Variants in GATA4 observed in about 807,000 individuals in gnomAD.
GATA4 encodes GATA binding protein 4.
In GATA4, 7 loss-of-function variants were observed where a neutral mutation model predicts 37.9. The ratio of observed to expected loss-of-function variants is 0.18; its 90% CI spans 0.11 to 0.35. The LOEUF (loss-of-function observed/expected upper bound fraction) is 0.35, where lower values mean the gene tolerates loss of function less well. GATA4 is among the 10% of genes least tolerant of loss of function. The pLI is 1.00. For missense variants in GATA4, 647 were observed against 653.0 expected, an observed-to-expected ratio of 0.99 and a Z score of 0.10; for synonymous variants, 372 against 292.6, an observed-to-expected ratio of 1.27 and a Z score of -2.77.
chr8:11,688,746 T>A (rs879676436), upstream of GATA4, among the ~76,000 whole-genome samples: 3 of 152,192 alleles, frequency 2.0e-5, no homozygotes, highest in African/African-American at 7.2e-5. Context: ...ATCTTTCTCA[T>A]GAGAATAGTG....
chr8:11,745,963 A>G (rs1468866360), intron 2 of GATA4, among the ~76,000 whole-genome samples: 1 of 152,188 alleles, frequency 6.6e-6, no homozygotes, highest in Non-Finnish European at 1.5e-5. Context: ...CCCCTTCTGA[A>G]TATGTTTAAA....
At chr8:11,699,078 T>C (rs939386099) in intron 1 of GATA4, among the ~76,000 whole-genome samples, 1 of 152,238 alleles carries the variant, frequency 6.6e-6, no homozygotes, top group African/African-American at 2.4e-5. Context: ...CCAACACTTA[T>C]TGAGCACCTA....
At chr8:11,720,193 A>G (rs573281163) in intron 2 of GATA4, among the ~76,000 whole-genome samples, 4 of 151,910 alleles carry the variant, frequency 2.6e-5, no homozygotes, top group Middle Eastern at 3.4e-3. Context: ...AGGTACAGCA[A>G]TGGTGAGAAG....
chr8:11,738,007 C>G (rs1326186373), intron 2 of GATA4, among the ~76,000 whole-genome samples: 4 of 151,852 alleles, frequency 2.6e-5, no homozygotes, highest in Non-Finnish European at 5.9e-5. Context: ...ATGGTGAAAC[C>G]CTGTCTCTGC....
At chr8:11,699,595 C>T (rs1444458726), upstream of GATA4, among the ~76,000 whole-genome samples, 2 of 152,372 alleles carry the variant, frequency 1.3e-5, no homozygotes, top group African/African-American at 2.4e-5. Context: ...AAGAAACATA[C>T]ATGGCGGCGC....
At chr8:11,706,241 C>G (rs1470789220) in intron 1 of GATA4, among the ~76,000 whole-genome samples, 1 of 152,054 alleles carries the variant, frequency 6.6e-6, no homozygotes, top group African/African-American at 2.4e-5. Flanking sequence ...ATTATTATTA[C>G]TAGTGATGTT....
In GATA4 at chr8:11,681,286, A is replaced by T. The variant is rs1003182331; in HGVS notation, c.-274+4223A>T. 2.0e-5 allele frequency: 20 copies of T among 985,258 alleles called. No individual in the cohort carries two copies. The African/African-American group carries it at 3.1e-4, about 15-fold the overall frequency. 61.0% of individuals were successfully genotyped at this position (985,258 alleles called of 1,614,324 possible). A position where few individuals can be genotyped will look rare whatever the true frequency, so the allele number is the denominator to read the frequency against. On this transcript the variant is annotated intron_variant, in intron 1 of 6. Coordinates refer to the GATA4 transcript ENST00000528712. ...TGGATTCCCAGGCCTCCGCACGCTG[A>T]GGTTCCGGGGAAGAGCACTGTCTTC...
chr8:11,726,914 T>C (rs1383469343), intron 2 of GATA4, among the ~76,000 whole-genome samples: 1 of 152,098 alleles, frequency 6.6e-6, no homozygotes, highest in African/African-American at 2.4e-5. Flanking sequence ...TGCAGAGACT[T>C]CCGGAGTTTT....
At chr8:11,705,682 T>G (rs994026872) in intron 1 of GATA4, among the ~76,000 whole-genome samples, 21 of 152,218 alleles carry the variant, frequency 1.4e-4, no homozygotes, top group African/African-American at 5.1e-4. Context: ...CAAGAGCAGC[T>G]AATTCCTTGT....
intron 2 of GATA4, among the ~76,000 whole-genome samples, chr8:11,735,259 A>C (rs1381823634): frequency 6.6e-6 from 1 of 152,258 alleles, no homozygotes; most frequent in East Asian, 1.9e-4. Context: ...TAAATCTTTA[A>C]AATTGCAAAG....
At chr8:11,723,633 C>G (rs971045405) in intron 2 of GATA4, among the ~76,000 whole-genome samples, 1 of 152,198 alleles carries the variant, frequency 6.6e-6, no homozygotes, top group African/African-American at 2.4e-5. Context: ...GCTAGCTCTG[C>G]CAGCTGGGCT....
chr8:11,717,875 G>A (rs1800506669), intron 2 of GATA4, among the ~76,000 whole-genome samples: 1 of 152,204 alleles, frequency 6.6e-6, no homozygotes, highest in South Asian at 2.1e-4. Flanking sequence ...CTAGCCGTTG[G>A]ATTCTGGTGT....
intron 2 of GATA4, among the ~76,000 whole-genome samples, chr8:11,712,508 C>A (rs1264961404): frequency 6.6e-6 from 1 of 151,742 alleles, no homozygotes; most frequent in Non-Finnish European, 1.5e-5. Flanking sequence ...GGAAAAGAAC[C>A]AGCAATTTTT....
intron 2 of GATA4, among the ~76,000 whole-genome samples, chr8:11,715,461 A>G (rs1003431087): frequency 6.6e-6 from 1 of 152,216 alleles, no homozygotes; most frequent in Non-Finnish European, 1.5e-5. Flanking sequence ...AAAATTTCAA[A>G]TCATCGGCTG....
intron 6 of GATA4, among the ~76,000 whole-genome samples, chr8:11,758,068 G>A (rs1802693799): frequency 6.6e-6 from 1 of 152,198 alleles, no homozygotes; most frequent in African/African-American, 2.4e-5. Flanking sequence ...CCGGGTCATA[G>A]CCCTGGTTGT....
rs1798998251 is a variant in GATA4, at chr8:11,682,310, A to T, written c.-274+5247A>T. 1.3e-5 allele frequency among the ~76,000 whole-genome samples: 2 copies of T among 152,342 alleles called. 1 individual carries two copies. Among genetic ancestry groups the T allele is most frequent in the South Asian group, 4.1e-4 (2 of 4,830 alleles). On this transcript the variant is annotated intron_variant, in intron 1 of 6. Transcript: ENST00000528712. ...TGAACAGGAAACTGATATGGTAGAA[A>T]TAGATAACTTTGCCTTGTTCACTAG...
intron 2 of GATA4, among the ~76,000 whole-genome samples, chr8:11,737,005 T>C (rs1159203931): frequency 1.3e-5 from 2 of 152,138 alleles, no homozygotes; most frequent in Admixed American, 1.3e-4. Flanking sequence ...ACTAAACAGA[T>C]CCCTTGCAAC....
intron 1 of GATA4, chr8:11,692,998 C>T: frequency 6.1e-6 from 6 of 985,358 alleles, no homozygotes; most frequent in Non-Finnish European, 7.2e-6. Flanking sequence ...CCGGGCTGCA[C>T]CCCCGGCCGC....
At chr8:11,678,812 A>C (rs1320647716) in intron 1 of GATA4, among the ~76,000 whole-genome samples, 1 of 152,202 alleles carries the variant, frequency 6.6e-6, no homozygotes, top group East Asian at 1.9e-4. Flanking sequence ...CATTGCCACA[A>C]ATTTCCTTTT....
Sources: gnomAD v4.1 joint callset for allele counts (sites outside exome capture counted in the v4.1 genomes callset) on GRCh38, gnomAD v4.1.1 for gene constraint, MANE v1.5 for transcripts, NCBI Gene and HGNC (gene_info 2026-07-23, HGNC 2026-07-21) for gene names.